Variants in SNAP91 observed in about 807,000 individuals in gnomAD.
SNAP91 encodes the protein synaptosome associated protein 91, also known as clathrin coat assembly protein AP180.
A neutral mutation model predicts 100.3 loss-of-function variants in SNAP91; 27 were observed. The observed-to-expected ratio is 0.27, with a 90% CI of 0.20 to 0.37. The LOEUF is 0.37. Among genes scored for constraint, SNAP91 ranks in the 10% least tolerant of loss-of-function variants. SNAP91 has a pLI of 1.00. For missense variants in SNAP91, 986 were observed against 1,123.7 expected (o/e 0.88, Z 1.75); for synonymous variants, 404 against 398.6 (o/e 1.01, Z -0.16).
At chr6:83,658,892 A>G (rs2098469900) in intron 6 of SNAP91, 107 bp downstream of exon 6, 1 of 773,198 alleles carries the variant, frequency 1.3e-6, no homozygotes, top group Non-Finnish European at 2.1e-6. Flanking sequence ...ATCTAAATGA[A>G]GATCTATAGC....
chr6:83,579,212 A>G (rs1226564536), intron 24 of SNAP91, among the ~76,000 whole-genome samples: 2 of 152,120 alleles, frequency 1.3e-5, no homozygotes, highest in Non-Finnish European at 2.9e-5. Flanking sequence ...GTATTGCTCT[A>G]GCGGGTTAGC....
chr6:83,699,558 C>T (rs1366016583), intron 2 of SNAP91, among the ~76,000 whole-genome samples: 1 of 152,048 alleles, frequency 6.6e-6, no homozygotes, highest in Non-Finnish European at 1.5e-5. Flanking sequence ...TAAAGTCTAA[C>T]ATATTTCTAA....
chr6:83,708,004 A>C (rs1588447825), intron 1 of SNAP91, 47 bp from the exon 2 acceptor site: 1 of 1,453,016 alleles, frequency 6.9e-7, no homozygotes, highest in African/African-American at 1.5e-5. Flanking sequence ...CGCAGACCCT[A>C]CCCTCCAAGC....
chr6:83,622,584 T>C (rs1177050998), intron 9 of SNAP91, among the ~76,000 whole-genome samples: 1 of 152,072 alleles, frequency 6.6e-6, no homozygotes, highest in Non-Finnish European at 1.5e-5. Flanking sequence ...ATAACATGTT[T>C]GGGATATAAC....
At chr6:83,584,294 C>T (rs1832601903) in intron 22 of SNAP91, among the ~76,000 whole-genome samples, 1 of 152,102 alleles carries the variant, frequency 6.6e-6, no homozygotes, top group African/African-American at 2.4e-5. Context: ...ATTTTAGAAT[C>T]ACAGCATATT....
intron 26 of SNAP91, among the ~76,000 whole-genome samples, chr6:83,567,046 C>T (rs1336380894): frequency 6.6e-6 from 1 of 152,046 alleles, no homozygotes; most frequent in African/African-American, 2.4e-5. Context: ...TCAAGCAATC[C>T]TCCTGCCTCA....
chr6:83,679,856 G>A (rs1471450671), intron 2 of SNAP91, among the ~76,000 whole-genome samples: 1 of 151,996 alleles, frequency 6.6e-6, no homozygotes, highest in African/African-American at 2.4e-5. Flanking sequence ...TGATTTCTAA[G>A]ATTTAAAAAG....
intron 2 of SNAP91, among the ~76,000 whole-genome samples, chr6:83,682,477 G>C (rs1404273477): frequency 6.6e-6 from 1 of 151,892 alleles, no homozygotes; most frequent in East Asian, 1.9e-4. Flanking sequence ...AAAGTGCTGG[G>C]ATTATAGGCT....
At chr6:83,578,776 T>G (rs1238205376) in intron 24 of SNAP91, among the ~76,000 whole-genome samples, 3 of 152,168 alleles carry the variant, frequency 2.0e-5, no homozygotes, top group African/African-American at 4.8e-5. Context: ...TTCTTGTACT[T>G]CTGGTGTCAT....
intron 22 of SNAP91, among the ~76,000 whole-genome samples, chr6:83,583,026 A>G (rs1042017985): frequency 1.3e-5 from 2 of 152,198 alleles, no homozygotes; most frequent in Non-Finnish European, 2.9e-5. Context: ...ATCATTTTTC[A>G]GTTCATATAA....
intron 28 of SNAP91, among the ~76,000 whole-genome samples, chr6:83,556,795 A>G (rs1779597859): frequency 6.6e-6 from 1 of 152,238 alleles, no homozygotes; most frequent in Non-Finnish European, 1.5e-5. Context: ...GAAAAATAGG[A>G]AACGGTTTGC....
intron 28 of SNAP91, among the ~76,000 whole-genome samples, chr6:83,556,972 G>T (rs943308462): frequency 1.3e-5 from 2 of 152,166 alleles, no homozygotes; most frequent in African/African-American, 4.8e-5. Context: ...AATCTATTCA[G>T]CTCTCAGAGA....
chr6:83,588,254 A>G (rs1412830493), intron 22 of SNAP91, among the ~76,000 whole-genome samples: 1 of 152,214 alleles, frequency 6.6e-6, no homozygotes, highest in Non-Finnish European at 1.5e-5. Flanking sequence ...ACTCATCTAT[A>G]CTGATTTACA....
At chr6:83,671,087 A>G (rs2098777614) in intron 2 of SNAP91, among the ~76,000 whole-genome samples, 1 of 152,022 alleles carries the variant, frequency 6.6e-6, no homozygotes, top group Non-Finnish European at 1.5e-5. Context: ...TGTTGACCCT[A>G]TAGATCAATT....
At chr6:83,559,925 C>T (rs567038578) in intron 28 of SNAP91, among the ~76,000 whole-genome samples, 179 bp downstream of exon 28, 9 of 152,268 alleles carry the variant, frequency 5.9e-5, no homozygotes, top group Admixed American at 4.6e-4. Context: ...GAGTTATTTC[C>T]ATCACTTTTT....
At chr6:83,596,696 T>C (rs987190246) in intron 16 of SNAP91, among the ~76,000 whole-genome samples, 3 of 152,094 alleles carry the variant, frequency 2.0e-5, no homozygotes, top group African/African-American at 7.2e-5. Context: ...CATTCCACAA[T>C]GTATACACAC....
intron 8 of SNAP91, among the ~76,000 whole-genome samples, chr6:83,626,660 A>G (rs1345451196): frequency 2.0e-5 from 3 of 151,794 alleles, no homozygotes; most frequent in East Asian, 3.9e-4. Flanking sequence ...CTCAGATTGG[A>G]AGTTATTAGT....
chr6:83,629,820 T>A (rs2097133432), intron 8 of SNAP91, among the ~76,000 whole-genome samples: 1 of 152,128 alleles, frequency 6.6e-6, no homozygotes, highest in South Asian at 2.1e-4. Flanking sequence ...CTTGACCTCC[T>A]CTTTACCAAT....
At chr6:83,694,861 A>G (rs2099175674) in intron 2 of SNAP91, among the ~76,000 whole-genome samples, 1 of 152,158 alleles carries the variant, frequency 6.6e-6, no homozygotes, top group African/African-American at 2.4e-5. Flanking sequence ...TAACCTGCCA[A>G]CACAACAGTC....
Sources: gnomAD v4.1 joint callset for allele counts (sites outside exome capture counted in the v4.1 genomes callset) on GRCh38, gnomAD v4.1.1 for gene constraint, MANE v1.5 for transcripts, NCBI Gene and HGNC (gene_info 2026-07-23, HGNC 2026-07-21) for gene names.